ANO10: variants seen among roughly 807,000 people sequenced by gnomAD.
The protein encoded by ANO10 is anoctamin 10, also known as anoctamin-10.
ANO10 carries 77 observed loss-of-function variants against 74.7 expected under a neutral mutation model. That is an observed-to-expected ratio of 1.03 (90% confidence interval 0.86 to 1.25). ANO10 has a LOEUF of 1.25. ANO10 is among the 50% of genes most tolerant of loss of function. ANO10 has a pLI of 0.00. For synonymous variants in ANO10, 279 were observed against 284.9 expected (o/e 0.98, Z 0.21); for missense variants, 721 against 778.1 (o/e 0.93, Z 0.87).
chr3:43,528,286 T>C (rs1171232631), intron 11 of ANO10, among the ~76,000 whole-genome samples: 1 of 151,920 alleles, frequency 6.6e-6, no homozygotes, highest in Non-Finnish European at 1.5e-5. Flanking sequence ...ATTTCCATTT[T>C]TGATTTTGTT....
intron 1 of ANO10, among the ~76,000 whole-genome samples, chr3:43,648,741 A>G (rs2083753911): frequency 7.2e-6 from 1 of 138,540 alleles, no homozygotes; most frequent in African/African-American, 2.8e-5. Context: ...CAGTGGCGTG[A>G]TCTTGCCTCA....
chr3:43,429,680 T>C (rs1478182991), intron 12 of ANO10, among the ~76,000 whole-genome samples: 1 of 152,190 alleles, frequency 6.6e-6, no homozygotes, highest in East Asian at 1.9e-4. Flanking sequence ...CTTTTAGTCA[T>C]AAATTCAATA....
At chr3:43,469,443 G>A (rs1335712132) in intron 11 of ANO10, among the ~76,000 whole-genome samples, 1 of 152,140 alleles carries the variant, frequency 6.6e-6, no homozygotes, top group Non-Finnish European at 1.5e-5. Context: ...GGACTTGAAG[G>A]CACATGACCT....
intron 11 of ANO10, among the ~76,000 whole-genome samples, chr3:43,453,742 A>G (rs2074992565): frequency 6.6e-6 from 1 of 152,168 alleles, no homozygotes; most frequent in Non-Finnish European, 1.5e-5. Context: ...AATTATCTTG[A>G]CACCCTTGTT....
chr3:43,446,943 T>G (rs1336493261), intron 11 of ANO10, among the ~76,000 whole-genome samples: 1 of 152,200 alleles, frequency 6.6e-6, no homozygotes, highest in Non-Finnish European at 1.5e-5. Flanking sequence ...TGCCCCACTG[T>G]GCCTCCTGCC....
chr3:43,367,032 C>A (rs1345619732), intron 12 of ANO10, 58 bp from the exon 13 acceptor site: 2 of 1,504,802 alleles, frequency 1.3e-6, no homozygotes, highest in East Asian at 2.4e-5. Flanking sequence ...GTGGCCGAGG[C>A]CTCTGCTCTC....
intron 12 of ANO10, among the ~76,000 whole-genome samples, chr3:43,380,120 A>C (rs572777419): frequency 6.6e-6 from 1 of 152,334 alleles, no homozygotes; most frequent in Non-Finnish European, 1.5e-5. Context: ...CTTTCAAATT[A>C]ACCCCATCTG....
intron 1 of ANO10, among the ~76,000 whole-genome samples, chr3:43,676,425 T>A: frequency 6.6e-6 from 1 of 152,106 alleles, no homozygotes; most frequent in East Asian, 1.9e-4. Flanking sequence ...GCACCTGCAC[T>A]CCAGCCTGGG....
chr3:43,499,003 G>C (rs182682535), intron 11 of ANO10, among the ~76,000 whole-genome samples: 1 of 152,264 alleles, frequency 6.6e-6, no homozygotes. Context: ...CTGAGGTGGT[G>C]GTGAGTACTG....
At chr3:43,465,788 T>C (rs1389935864) in intron 11 of ANO10, among the ~76,000 whole-genome samples, 1 of 152,180 alleles carries the variant, frequency 6.6e-6, no homozygotes, top group African/African-American at 2.4e-5. Flanking sequence ...GAATACAATA[T>C]GTACAAATTC....
intron 7 of ANO10, among the ~76,000 whole-genome samples, chr3:43,567,780 G>A (rs1293523060): frequency 5.9e-5 from 9 of 151,332 alleles, no homozygotes; most frequent in South Asian, 2.1e-4. Flanking sequence ...ATCAACTAAC[G>A]AGCAAACTAA....
intron 11 of ANO10, among the ~76,000 whole-genome samples, chr3:43,470,152 A>G (rs188512832): frequency 9.3e-4 from 142 of 152,356 alleles, no homozygotes; most frequent in Middle Eastern, 3.4e-3. Context: ...ACTCAGTGGT[A>G]AGAAGAAATG....
At chr3:43,433,447 G>A (rs1424149356) in intron 11 of ANO10, among the ~76,000 whole-genome samples, 3 of 152,154 alleles carry the variant, frequency 2.0e-5, no homozygotes, top group South Asian at 2.1e-4. Context: ...TACATGAAAC[G>A]TACATGTATC....
chr3:43,690,989 G>C, intron 1 of ANO10: 1 of 1,573,076 alleles, frequency 6.4e-7, no homozygotes, highest in Non-Finnish European at 8.6e-7. Flanking sequence ...GCGCGGCGGC[G>C]GCTATGGCGG....
Position 43,690,763 on chromosome 3 carries a change from G to C in ANO10, c.-12+754C>G, listed in dbSNP as rs1483870224. Reference sequence around the variant, plus strand: ...ACTGTCCCGCCCCGCGCTTACACCCGGGAGCGTCGGGCGGGAGAACTAGTG... The same window carrying C: ...ACTGTCCCGCCCCGCGCTTACACCCCGGAGCGTCGGGCGGGAGAACTAGTG... On this transcript the variant is annotated intron_variant, in intron 1 of 3. Coordinates refer to the ANO10 transcript ENST00000413397. 12 of 432,414 alleles carry C rather than the reference G, an allele frequency of 2.8e-5. 1 individual carries two copies. The South Asian group carries it at 6.7e-4, about 24-fold the overall frequency. The allele number at this position is 432,414 out of a possible 1,614,324, so 26.8% of individuals were successfully genotyped here.
chr3:43,605,806 G>A lies in ANO10; in HGVS notation c.47C>T (p.Thr16Ile). 2 of 1,613,740 alleles carry A rather than the reference G, an allele frequency of 1.2e-6. No homozygotes were observed. The highest frequency in any genetic ancestry group is 1.7e-6 in the Non-Finnish European group (2 of 1,179,758). The change falls in exon 2 of 13, where the codon ACA becomes ATA. Residue 16 changes from threonine to isoleucine, a missense_variant. Physicochemically the swap from Thr to Ile is moderately conservative, Grantham distance 89. Coordinates refer to ENST00000292246, the MANE Select transcript of ANO10 (RefSeq NM_018075.5). Reference sequence around the variant, plus strand: ...AGCAAGTTCTATGACCACCAAAGGTGTGAAAGAACTCTCAGAAGTATCCAA... The same window carrying A: ...AGCAAGTTCTATGACCACCAAAGGTATGAAAGAACTCTCAGAAGTATCCAA... ...SALDTSESSF[T>I]PLVVIELAQD...
chr3:43,598,348 C>G (rs1429599244), intron 4 of ANO10, among the ~76,000 whole-genome samples, 184 bp downstream of exon 4: 4 of 151,836 alleles, frequency 2.6e-5, no homozygotes, highest in Non-Finnish European at 5.9e-5. Flanking sequence ...AAGTAGTCAA[C>G]AATATAAAAC....
At position 43,443,679 on chromosome 3, in the gene ANO10, C is replaced by CCTTTTTTTTTTTTTTTTTTTTTTT. The variant is rs373424427; in HGVS notation, c.1798-10953_1798-10952insAAAAAAAAAAAAAAAAAAAAAAAG. 2.5e-5 allele frequency among the ~76,000 whole-genome samples: 3 copies of CCTTTTTTTTTTTTTTTTTTTTTTT among 122,034 alleles called. 1 individual carries two copies. Among genetic ancestry groups the CCTTTTTTTTTTTTTTTTTTTTTTT allele is most frequent in the Non-Finnish European group, 1.6e-5 (1 of 61,812 alleles). 80.1% of individuals were successfully genotyped at this position (122,034 alleles called of 152,430 possible). On this transcript the variant is annotated intron_variant, in intron 11 of 12. Coordinates refer to ENST00000292246, the MANE Select transcript of ANO10 (RefSeq NM_018075.5). ...TGAAAAGTATTTTACTTCCTTCCTT[C>CCTTTTTTTTTTTTTTTTTTTTTTT]TTTTTTTTTTTTTTTTTTTTGACGG...
chr3:43,640,809 G>T (rs1411038107), intron 1 of ANO10, among the ~76,000 whole-genome samples: 3 of 152,160 alleles, frequency 2.0e-5, no homozygotes, highest in Non-Finnish European at 4.4e-5. Flanking sequence ...CATGCTTAGT[G>T]CTTTTTGTAT....
Sources: gnomAD v4.1 joint callset for allele counts (sites outside exome capture counted in the v4.1 genomes callset) on GRCh38, gnomAD v4.1.1 for gene constraint, MANE v1.5 for transcripts, NCBI Gene and HGNC (gene_info 2026-07-23, HGNC 2026-07-21) for gene names.